The following MAP7 variants were observed in gnomAD, a reference collection of about 807,000 sequenced individuals.
MAP7 encodes ensconsin.
MAP7 carries 52 observed loss-of-function variants against 94.8 expected under a neutral mutation model. That is an observed-to-expected ratio of 0.55 (90% CI 0.44 to 0.69). The LOEUF (loss-of-function observed/expected upper bound fraction) is 0.69, where lower values mean the gene tolerates loss of function less well. Ranked by LOEUF, MAP7 falls within the 30% of genes least tolerant of loss-of-function variation. The pLI is 0.00. For missense variants in MAP7, 940 were observed against 964.6 expected, an observed-to-expected ratio of 0.97 and a Z score of 0.34; for synonymous variants, 350 against 357.0, an observed-to-expected ratio of 0.98 and a Z score of 0.22.
intron 1 of MAP7, chr6:136,525,967 CGCT>C: frequency 6.7e-7 from 1 of 1,490,198 alleles, no homozygotes; most frequent in Non-Finnish European, 8.8e-7. Flanking sequence ...CCAGGCATAC[CGCT>C]GCTACTTGTT....
At chr6:136,470,103 C>T (rs1417322369) in intron 1 of MAP7, among the ~76,000 whole-genome samples, 1 of 152,170 alleles carries the variant, frequency 6.6e-6, no homozygotes, top group East Asian at 1.9e-4. Flanking sequence ...TCTTGCCCCG[C>T]TAACATGTGG....
chr6:136,513,957 G>A (rs750451532), intron 1 of MAP7, among the ~76,000 whole-genome samples: 22 of 152,146 alleles, frequency 1.4e-4, no homozygotes, highest in African/African-American at 2.9e-4. Flanking sequence ...TCACCTGTAC[G>A]TAAGTCCCCA....
chr6:136,356,785 G>A lies in MAP7; in HGVS notation c.1922C>T (p.Ala641Val). 1 of 1,613,762 alleles carries A rather than the reference G, an allele frequency of 6.2e-7. No homozygotes were observed. ...CGGAGCGTTTGTTGTACATGGAAGTGCAGACACCTCTGGGCATAGTAAAGG... is the reference window on the plus strand; with the variant it reads ...CGGAGCGTTTGTTGTACATGGAAGTACAGACACCTCTGGGCATAGTAAAGG... ...GALTGGTEVSALPCTTNAPGN... is the reference protein window; with the variant it reads ...GALTGGTEVSVLPCTTNAPGN... Residue 641 changes from alanine to valine, a missense_variant, in exon 16 of 18, where the codon GCA (alanine) becomes GTA (valine). Transcript: ENST00000354570.
At chr6:136,482,229 TG>T (rs1251135188) in intron 1 of MAP7, among the ~76,000 whole-genome samples, 3 of 152,198 alleles carry the variant, frequency 2.0e-5, no homozygotes, top group Non-Finnish European at 4.4e-5. Flanking sequence ...TCAAAGAACT[TG>T]AAACAGCAGT....
chr6:136,445,459 C>CTATCTGCA lies in MAP7; in HGVS notation c.68-23668_68-23661dup, dbSNP rs575586684. ...ATTCCTTGTCCAAAAAGTACAAAAC[C>CTATCTGCA]TATCTGCATTGGCCATTTCTTTGCA... On this transcript the variant is annotated intron_variant, in intron 1 of 17. Coordinates refer to ENST00000354570, the MANE Select transcript of MAP7 (RefSeq NM_003980.6). 3.9e-3 allele frequency among the ~76,000 whole-genome samples: 591 copies of CTATCTGCA among 152,296 alleles called. 3 individuals are homozygous for CTATCTGCA. Among genetic ancestry groups the CTATCTGCA allele is most frequent in the African/African-American group, 0.014 (568 of 41,556 alleles).
At chr6:136,447,882 GC>G (rs1277846110) in intron 1 of MAP7, among the ~76,000 whole-genome samples, 1 of 152,136 alleles carries the variant, frequency 6.6e-6, no homozygotes, top group Non-Finnish European at 1.5e-5. Context: ...AAGCAGTTTG[GC>G]CAAACAGCTT....
chr6:136,547,410 C>T (rs1829816220), intron 1 of MAP7, among the ~76,000 whole-genome samples: 2 of 152,166 alleles, frequency 1.3e-5, no homozygotes. Context: ...TAGTGCTGTA[C>T]ACTCGCTTTC....
intron 1 of MAP7, among the ~76,000 whole-genome samples, chr6:136,541,742 C>T (rs1169636912): frequency 6.6e-6 from 1 of 152,116 alleles, no homozygotes; most frequent in Admixed American, 6.6e-5. Context: ...GTGTCAAATA[C>T]TATATATTAC....
chr6:136,376,960 A>G (rs1018569532), intron 7 of MAP7, among the ~76,000 whole-genome samples: 3 of 152,222 alleles, frequency 2.0e-5, no homozygotes, highest in Non-Finnish European at 4.4e-5. Flanking sequence ...ATATAAATAC[A>G]CCAATTGTCC....
intron 1 of MAP7, among the ~76,000 whole-genome samples, chr6:136,465,711 C>A (rs1447352079): frequency 6.6e-6 from 1 of 152,084 alleles, no homozygotes; most frequent in Non-Finnish European, 1.5e-5. Context: ...TCAGATCCAA[C>A]CCCAAAGATA....
Position 136,359,995 on chromosome 6 carries a change from C to T in MAP7, c.1840G>A (p.Glu614Lys). ...CATGTCAATACCTTATCTGTAGCTT[C>T]TGTTCTCCTGGTTCTTTTCATAATC... is the stretch of plus-strand genomic sequence containing the variant. Reference protein sequence around the residue: ...EEIMKRTRRTEATDKKTSDQR... With the variant: ...EEIMKRTRRTKATDKKTSDQR... The change falls in exon 14 of 18, where the codon GAA becomes AAA. Residue 614 changes from glutamate to lysine, a missense_variant. Glu to Lys is a moderately conservative substitution (Grantham distance 56). Transcript: ENST00000354570. 6.2e-7 allele frequency: 1 copy of T among 1,613,592 alleles called. No individual in the cohort carries two copies. The highest frequency in any genetic ancestry group is 8.5e-7 in the Non-Finnish European group (1 of 1,179,874).
intron 1 of MAP7, chr6:136,526,535 C>T: frequency 1.0e-6 from 1 of 985,554 alleles, no homozygotes; most frequent in Non-Finnish European, 1.2e-6. Flanking sequence ...CCCAGAGCGG[C>T]TCCATCTCCC....
intron 1 of MAP7, among the ~76,000 whole-genome samples, chr6:136,502,070 A>G (rs1340233149): frequency 6.6e-6 from 1 of 152,232 alleles, no homozygotes; most frequent in East Asian, 1.9e-4. Context: ...CAGCCAAGTT[A>G]GATTTATAGA....
chr6:136,374,913 AAAT>A (rs1252352191), intron 7 of MAP7, among the ~76,000 whole-genome samples: 1 of 152,200 alleles, frequency 6.6e-6, no homozygotes, highest in African/African-American at 2.4e-5. Flanking sequence ...CCTTCTTAAG[AAAT>A]AATAACAATA....
chr6:136,465,714 C>T (rs1806795361), intron 1 of MAP7, among the ~76,000 whole-genome samples: 1 of 152,092 alleles, frequency 6.6e-6, no homozygotes, highest in Non-Finnish European at 1.5e-5. Context: ...GATCCAACCC[C>T]AAAGATATTT....
At chr6:136,441,785 C>A (rs375360713) in intron 1 of MAP7, among the ~76,000 whole-genome samples, 2 of 152,062 alleles carry the variant, frequency 1.3e-5, no homozygotes, top group African/African-American at 4.8e-5. Context: ...AAGGCTGAGG[C>A]GGGAGGATTT....
At chr6:136,498,995 G>A (rs752306408) in intron 1 of MAP7, among the ~76,000 whole-genome samples, 21 of 151,976 alleles carry the variant, frequency 1.4e-4, no homozygotes, top group Non-Finnish European at 2.4e-4. Flanking sequence ...TGCAACCTCT[G>A]CCTTCCAGGT....
intron 7 of MAP7, among the ~76,000 whole-genome samples, chr6:136,373,864 A>G (rs903834894): frequency 1.3e-5 from 2 of 152,194 alleles, no homozygotes; most frequent in Non-Finnish European, 2.9e-5. Flanking sequence ...AAGATTTGCT[A>G]TTTGGGTTTA....
chr6:136,383,645 CT>C, intron 6 of MAP7, 25 bp downstream of exon 6: 1 of 1,302,764 alleles, frequency 7.7e-7, no homozygotes, highest in South Asian at 1.4e-5. Context: ...ATAACAGACA[CT>C]TTTTTGTTTT....
Sources: allele counts gnomAD v4.1 joint callset (sites outside exome capture counted in the v4.1 genomes callset), GRCh38; gene constraint gnomAD v4.1.1; transcripts MANE v1.5; gene names NCBI Gene and HGNC (gene_info 2026-07-23, HGNC 2026-07-21).